DUOXA1: variants seen among roughly 807,000 people sequenced by gnomAD.
DUOXA1 encodes the protein dual oxidase activator 1.
Under a neutral mutation model 26.6 loss-of-function variants are expected in DUOXA1, and 19 were observed. That is an observed-to-expected ratio of 0.71 (90% CI 0.50 to 1.05). The LOEUF (loss-of-function observed/expected upper bound fraction) is 1.05, where lower values mean the gene tolerates loss of function less well. DUOXA1 is among the 50% of genes least tolerant of loss of function. The probability of loss-of-function intolerance (pLI) is 0.00; values close to 1 mark genes in which losing one functional copy is unlikely to be tolerated. For missense variants in DUOXA1, 403 were observed against 427.5 expected (o/e 0.94, Z 0.51); for synonymous variants, 166 against 177.0 (o/e 0.94, Z 0.49).
At chr15:45,122,822 G>A in intron 4 of DUOXA1, 46 bp downstream of exon 4, 2 of 1,565,756 alleles carry the variant, frequency 1.3e-6, no homozygotes, top group Non-Finnish European at 8.6e-7. Flanking sequence ...CTCAGCCTGA[G>A]GCTGAGGTCT....
chr15:45,119,918 G>A (rs80277594), intron 8 of DUOXA1, among the ~76,000 whole-genome samples, 185 bp downstream of exon 8: 2 of 151,918 alleles, frequency 1.3e-5, no homozygotes, highest in African/African-American at 2.4e-5. Flanking sequence ...CTCTGAGGAG[G>A]GGGGGGAAGT....
In DUOXA1 at chr15:45,120,658, G is replaced by A. The variant is rs141276414; in HGVS notation, c.488C>T (p.Pro163Leu). 7.6e-5 allele frequency: 123 copies of A among 1,614,008 alleles called. No homozygotes were observed. The highest frequency in any genetic ancestry group is 6.6e-4 in the Middle Eastern group (4 of 6,084). The stretch of plus-strand genomic sequence containing the variant: ...GCGGTATAGGCCACATGGGCTTCTT[G>A]GAGTGAACTTCTCAGCTAGGTACAA... ...PVLYLAEKFT[P>L]RSPCGLYRQY... The change falls in exon 7 of 9, where the codon CCA becomes CTA. Residue 163 changes from proline to leucine, a missense_variant. By Grantham distance (98) the Pro-to-Leu change is moderately conservative. Transcript: ENST00000560572.
intron 3 of DUOXA1, among the ~76,000 whole-genome samples, chr15:45,128,669 A>C (rs903176096): frequency 6.6e-6 from 1 of 152,226 alleles, no homozygotes; most frequent in Non-Finnish European, 1.5e-5. Flanking sequence ...AGTGGATTGG[A>C]GGCAGGATTC....
At position 45,126,742 on chromosome 15, in the gene DUOXA1, G is replaced by A. The variant is rs182206671; in HGVS notation, c.-30+2276C>T. On this transcript the variant is annotated intron_variant, in intron 3 of 8. Transcript: ENST00000560572. Reference sequence around the variant, plus strand: ...CTCCCCACAGGTGGCTTCTGATTTTGCACACAAGGGGGAGCTATGCTCCCT... The same window carrying A: ...CTCCCCACAGGTGGCTTCTGATTTTACACACAAGGGGGAGCTATGCTCCCT... Among the ~76,000 whole-genome samples the A allele has an allele frequency of 4.2e-3, 640 of 152,318 alleles. 2 individuals are homozygous for A. Among genetic ancestry groups the A allele is most frequent in the Non-Finnish European group, 7.0e-3 (474 of 68,018 alleles).
chr15:45,122,194 C>T lies in DUOXA1; in HGVS notation c.196G>A (p.Ala66Thr). Residue 66 changes from alanine (A) to threonine (T), a missense_variant, in exon 5 of 9, where the codon GCA becomes ACA. Coordinates refer to ENST00000560572, the MANE Select transcript of DUOXA1 (RefSeq NM_001276266.2). Reference sequence around the variant, plus strand: ...TGCACTTCGCACTCACCCAGGATTGCAGCCCCGATGAATAAGCTGGTCACC... The same window carrying T: ...TGCACTTCGCACTCACCCAGGATTGTAGCCCCGATGAATAAGCTGGTCACC... ...RVVTSLFIGAAILAVNFSSEW... is the reference protein window; with the variant it reads ...RVVTSLFIGATILAVNFSSEW... 6.2e-7 allele frequency: 1 copy of T among 1,603,044 alleles called. No individual in the cohort carries two copies. Among genetic ancestry groups the T allele is most frequent in the African/African-American group, 1.3e-5 (1 of 74,942 alleles).
chr15:45,120,952 A>G (rs1314118357), intron 6 of DUOXA1, 135 bp downstream of exon 6: 2 of 1,514,982 alleles, frequency 1.3e-6, no homozygotes, highest in African/African-American at 2.8e-5. Context: ...CCTTCCTACC[A>G]TGCCTCTGAC....
rs186063657 is a variant in DUOXA1 at position 45,119,412 on chromosome 15, T to C, written c.773-47A>G. The C allele has an allele frequency of 3.7e-4, 573 of 1,543,618 alleles. No homozygotes were observed. In the African/African-American group the frequency reaches 7.1e-3, roughly 19 times the overall value. On this transcript the variant is annotated intron_variant, in intron 8 of 8. Transcript: ENST00000560572. The stretch of plus-strand genomic sequence containing the variant: ...GTCCCACCTTAGTGCTAGTAACACC[T>C]GCCGAGGATATCTTCCCCTGGGAGT...
rs1894855179 is a variant in DUOXA1, at chr15:45,118,734, T to C, written c.*372A>G. On this transcript the variant is annotated 3_prime_UTR_variant, in exon 9 of 9. Transcript: ENST00000560572. ...GGTGCCGAGGGATGAGAGGAAACCATAGGAGAATCATATGTAACCCCCACC... is the reference window on the plus strand; with the variant it reads ...GGTGCCGAGGGATGAGAGGAAACCACAGGAGAATCATATGTAACCCCCACC... 2.0e-6 allele frequency: 2 copies of C among 1,010,036 alleles called. No individual in the cohort carries two copies. The highest frequency in any genetic ancestry group is 2.4e-6 in the Non-Finnish European group (2 of 846,910). The allele number at this position is 1,010,036 out of a possible 1,614,324, so 62.6% of individuals were successfully genotyped here.
In DUOXA1 at chr15:45,117,992, C is replaced by G. The variant is rs762951356; in HGVS notation, c.*1114G>C. ...GCCCGCCAGGCCTGGGCCAGGAGAG[C>G]TCCAGGAAGGGCACTGAGCGCTGCT... On this transcript the variant is annotated 3_prime_UTR_variant, in exon 9 of 9. Transcript: ENST00000560572. 1.7e-5 allele frequency: 28 copies of G among 1,611,864 alleles called. No individual in the cohort carries two copies. The highest frequency in any genetic ancestry group is 1.6e-4 in the Middle Eastern group (1 of 6,076).
Position 45,117,625 on chromosome 15 carries a change from A to G in DUOXA1, c.*1481T>C, listed in dbSNP as rs367778516. 392 of 1,613,646 alleles carry G rather than the reference A, an allele frequency of 2.4e-4. No individual in the cohort carries two copies. Among genetic ancestry groups the G allele is most frequent in the Non-Finnish European group, 3.0e-4 (355 of 1,179,864 alleles). On this transcript the variant is annotated 3_prime_UTR_variant, in exon 9 of 9. Coordinates refer to ENST00000560572, the MANE Select transcript of DUOXA1 (RefSeq NM_001276266.2). ...CAGCACTTTGGGAGGTCGAGGCAGG[A>G]AGGTCGTTTGAGGCCAGAGTTCGAG...
Position 45,117,720 on chromosome 15 carries a change from C to T in DUOXA1, c.*1386G>A, listed in dbSNP as rs774591035. 6.2e-7 allele frequency: 1 copy of T among 1,613,286 alleles called. No individual in the cohort carries two copies. Among genetic ancestry groups the T allele is most frequent in the Non-Finnish European group, 8.5e-7 (1 of 1,179,370 alleles). Reference sequence around the variant, plus strand: ...TTTCGATCCCCACCGCCACAGGCGTCCTGTGCCTCTTCCTCGGAGGGGCCG... The same window carrying T: ...TTTCGATCCCCACCGCCACAGGCGTTCTGTGCCTCTTCCTCGGAGGGGCCG... On this transcript the variant is annotated 3_prime_UTR_variant, in exon 9 of 9. Transcript: ENST00000560572.
chr15:45,120,396 G>A, intron 7 of DUOXA1, 76 bp from the exon 8 acceptor site: 1 of 1,572,854 alleles, frequency 6.4e-7, no homozygotes, highest in South Asian at 1.1e-5. Context: ...CCCAGGCGGA[G>A]GTTCAGGGAC....
At chr15:45,128,357 C>T (rs1895852650) in intron 3 of DUOXA1, among the ~76,000 whole-genome samples, 1 of 152,186 alleles carries the variant, frequency 6.6e-6, no homozygotes, top group Non-Finnish European at 1.5e-5. Context: ...CTGCTGGAAA[C>T]TATAGAGTAA....
chr15:45,119,261 G>T lies in DUOXA1; in HGVS notation c.877C>A (p.Leu293Met). 1 of 1,614,158 alleles carries T rather than the reference G, an allele frequency of 6.2e-7. No homozygotes were observed. Among genetic ancestry groups the T allele is most frequent in the South Asian group, 1.1e-5 (1 of 91,080 alleles). The change falls in exon 9 of 9, where the codon CTG (leucine) becomes ATG (methionine). Residue 293 changes from leucine to methionine, a missense_variant. Physicochemically the swap from Leu to Met is conservative, Grantham distance 15. Transcript: ENST00000560572. Reference sequence around the variant, plus strand: ...CCACCTTCCTCAGGACTCCACTCCAGCATGGGGTCTTCATCCACACTCTGG... The same window carrying T: ...CCACCTTCCTCAGGACTCCACTCCATCATGGGGTCTTCATCCACACTCTGG... ...FNQSVDEDPM[L>M]EWSPEEGGLL... is the part of the protein sequence containing the mutation.
chr15:45,120,157 CGCCCAGGTGCAGGGG>C lies in DUOXA1; in HGVS notation c.703_717del (p.Pro235_Gly239del). ...CCATGGTGAGTATGCAGCACAGAAGCGCCCAGGTGCAGGGGACAGGGTGAGGTGAGTGATGTGGCC... is the reference window on the plus strand; with the variant it reads ...CCATGGTGAGTATGCAGCACAGAAGCACAGGGTGAGGTGAGTGATGTGGCC... On this transcript the variant is annotated inframe_deletion, in exon 8 of 9. Coordinates refer to ENST00000560572, the MANE Select transcript of DUOXA1 (RefSeq NM_001276266.2). The C allele has an allele frequency of 6.2e-7, 1 of 1,613,952 alleles. No individual in the cohort carries two copies. The highest frequency in any genetic ancestry group is 2.2e-5 in the East Asian group (1 of 44,862).
chr15:45,121,227 G>T lies in DUOXA1; in HGVS notation c.206-6C>A. Reference sequence around the variant, plus strand: ...CTCAGAACTGAAATTCACAGCTGTGGTTGGGGAGTTGGACATATGGGAACT... The same window carrying T: ...CTCAGAACTGAAATTCACAGCTGTGTTTGGGGAGTTGGACATATGGGAACT... On this transcript the variant is annotated splice_region_variant and splice_polypyrimidine_tract_variant and intron_variant, in intron 5 of 8. Coordinates refer to ENST00000560572, the MANE Select transcript of DUOXA1 (RefSeq NM_001276266.2). 1 of 1,614,198 alleles carries T rather than the reference G, an allele frequency of 6.2e-7. No individual in the cohort carries two copies. Among genetic ancestry groups the T allele is most frequent in the East Asian group, 2.2e-5 (1 of 44,884 alleles).
At position 45,122,911 on chromosome 15, in the gene DUOXA1, A is replaced by ATCAGTGCAC; in HGVS notation, c.103_104insGTGCACTGA (p.Leu35delinsArgAlaLeuMet). ...AGGCAGGATGACGATGAACGTGGCCAGTGCAGTCAGAAAGATCATGATGAT... is the reference window on the plus strand; with the variant it reads ...AGGCAGGATGACGATGAACGTGGCCATCAGTGCACGTGCAGTCAGAAAGATCATGATGAT... On this transcript the variant is annotated protein_altering_variant, in exon 4 of 9. Coordinates refer to ENST00000560572, the MANE Select transcript of DUOXA1 (RefSeq NM_001276266.2). 1 of 1,612,996 alleles carries ATCAGTGCAC rather than the reference A, an allele frequency of 6.2e-7. No individual in the cohort carries two copies. Among genetic ancestry groups the ATCAGTGCAC allele is most frequent in the African/African-American group, 1.3e-5 (1 of 74,954 alleles).
At position 45,121,137 on chromosome 15, in the gene DUOXA1, G is replaced by A; in HGVS notation, c.290C>T (p.Ala97Val). 6.2e-7 allele frequency: 1 copy of A among 1,614,156 alleles called. No homozygotes were observed. The highest frequency in any genetic ancestry group is 8.5e-7 in the Non-Finnish European group (1 of 1,180,016). The part of the protein sequence containing the change: ...YKAFSSEWIS[A>V]DIGLQVGLGG... ...CAGCCCGACCTGCAGCCCAATATCA[G>A]CGCTGATCCACTCAGAACTGAAGGC... Residue 97 changes from alanine (A) to valine (V), a missense_variant, in exon 6 of 9, where the codon GCT (alanine) becomes GTT (valine). Ala to Val is a moderately conservative substitution (Grantham distance 64). Transcript: ENST00000560572.
At chr15:45,125,444 A>T (rs1011564413) in intron 3 of DUOXA1, among the ~76,000 whole-genome samples, 1 of 152,162 alleles carries the variant, frequency 6.6e-6, no homozygotes, top group South Asian at 2.1e-4. Context: ...TCCAGCTACC[A>T]TCCTATTTTA....
Sources: gnomAD v4.1 joint callset for allele counts (sites outside exome capture counted in the v4.1 genomes callset) on GRCh38, gnomAD v4.1.1 for gene constraint, MANE v1.5 for transcripts, NCBI Gene and HGNC (gene_info 2026-07-23, HGNC 2026-07-21) for gene names.